CALN1: variants seen among roughly 807,000 people sequenced by gnomAD.
The protein encoded by CALN1 is calcium-binding protein 8.
In CALN1, 17 loss-of-function variants were observed where a neutral mutation model predicts 30.6. That is an observed-to-expected ratio of 0.56 (90% CI 0.38 to 0.83). CALN1 has a LOEUF of 0.83. CALN1 is among the 40% of genes least tolerant of loss of function. The probability of loss-of-function intolerance (pLI) is 0.00; values close to 1 mark genes in which losing one functional copy is unlikely to be tolerated. For synonymous variants in CALN1, 156 were observed against 131.4 expected (o/e 1.19, Z -1.28); for missense variants, 291 against 354.9 (o/e 0.82, Z 1.45).
intron 5 of CALN1, among the ~76,000 whole-genome samples, chr7:72,009,114 C>T (rs576049971): frequency 2.0e-5 from 3 of 151,726 alleles, no homozygotes; most frequent in Non-Finnish European, 4.4e-5. Context: ...AAAATGAGAA[C>T]AAAACAAAAA....
chr7:71,988,675 G>T (rs1439936427), intron 5 of CALN1, among the ~76,000 whole-genome samples: 1 of 152,128 alleles, frequency 6.6e-6, no homozygotes, highest in Non-Finnish European at 1.5e-5. Context: ...GCTAAAAGCA[G>T]GGCCCTAGCT....
At chr7:72,316,101 A>G (rs1000538697) in intron 2 of CALN1, among the ~76,000 whole-genome samples, 8 of 152,002 alleles carry the variant, frequency 5.3e-5, no homozygotes, top group African/African-American at 1.4e-4. Flanking sequence ...CAGTGAGCTG[A>G]GATTGCACCA....
rs116749212 is a variant in CALN1, at chr7:71,964,184, G to A, written c.501+59473C>T. On this transcript the variant is annotated intron_variant, in intron 5 of 6. Coordinates refer to ENST00000395275, the MANE Select transcript of CALN1 (RefSeq NM_031468.4). ...AAATGGGAGTGTTCCTTTATCCCCC[G>A]TCACAGGATGTGCGACAGGGTTGTG... Among the ~76,000 whole-genome samples, 698 of 152,234 alleles carry A rather than the reference G, an allele frequency of 4.6e-3. 5 individuals carry two copies. The highest frequency in any genetic ancestry group is 0.016 in the African/African-American group (646 of 41,536).
intron 5 of CALN1, among the ~76,000 whole-genome samples, chr7:71,990,466 A>G (rs1003764249): frequency 3.3e-5 from 5 of 151,412 alleles, no homozygotes; most frequent in Non-Finnish European, 7.4e-5. Context: ...TAATTCATTT[A>G]CTTTTTTTTT....
intron 1 of CALN1, among the ~76,000 whole-genome samples, chr7:72,427,164 T>C (rs1807823417): frequency 6.6e-6 from 1 of 152,106 alleles, no homozygotes; most frequent in Non-Finnish European, 1.5e-5. Context: ...AAAAAATTAT[T>C]TGTAGAGATG....
At chr7:71,846,993 T>C (rs929763024) in intron 5 of CALN1, among the ~76,000 whole-genome samples, 3 of 148,406 alleles carry the variant, frequency 2.0e-5, no homozygotes, top group Admixed American at 6.8e-5. Context: ...TACACACACA[T>C]ATATATATAT....
At chr7:72,369,264 ACG>A (rs1239912886) in intron 2 of CALN1, among the ~76,000 whole-genome samples, 2 of 149,726 alleles carry the variant, frequency 1.3e-5, no homozygotes, top group Admixed American at 1.3e-4. Flanking sequence ...CACGTACATT[ACG>A]CAAAGTGTTA....
chr7:72,006,942 T>C (rs1799802991), intron 5 of CALN1, among the ~76,000 whole-genome samples: 1 of 152,132 alleles, frequency 6.6e-6, no homozygotes, highest in African/African-American at 2.4e-5. Context: ...ATGATGTACT[T>C]TGCATACAGA....
At chr7:72,187,233 A>T (rs1030329810) in intron 3 of CALN1, among the ~76,000 whole-genome samples, 4 of 152,262 alleles carry the variant, frequency 2.6e-5, no homozygotes, top group African/African-American at 9.6e-5. Flanking sequence ...TGTCTGACAC[A>T]TTTTTCCAGG....
At chr7:72,408,440 G>A (rs1435178616) in intron 1 of CALN1, among the ~76,000 whole-genome samples, 1 of 151,762 alleles carries the variant, frequency 6.6e-6, no homozygotes, top group Non-Finnish European at 1.5e-5. Context: ...CTCGGTCTCA[G>A]AAAAAAATTA....
chr7:71,884,641 G>A (rs1792790516), intron 5 of CALN1, among the ~76,000 whole-genome samples: 2 of 151,908 alleles, frequency 1.3e-5, no homozygotes, highest in Non-Finnish European at 2.9e-5. Context: ...AAGGGGTCTG[G>A]GGATTCATGC....
rs188303325 is a variant in CALN1, at chr7:71,830,417, G to A, written c.502-19925C>T. 1.8e-4 allele frequency among the ~76,000 whole-genome samples: 27 copies of A among 151,922 alleles called. No individual in the cohort carries two copies. In the East Asian group the frequency reaches 4.7e-3, roughly 26 times the overall value. ...GGCTGGAGTGCGGTGGTGCGATCTCGGCTCACTGCAACCTCTGCCGCCCAG... is the reference window on the plus strand; with the variant it reads ...GGCTGGAGTGCGGTGGTGCGATCTCAGCTCACTGCAACCTCTGCCGCCCAG... On this transcript the variant is annotated intron_variant, in intron 5 of 6. Coordinates refer to ENST00000395275, the MANE Select transcript of CALN1 (RefSeq NM_031468.4).
intron 5 of CALN1, among the ~76,000 whole-genome samples, chr7:72,000,176 GC>G (rs1383522306): frequency 2.6e-5 from 4 of 151,974 alleles, no homozygotes; most frequent in Non-Finnish European, 4.4e-5. Context: ...CAAATAGTAA[GC>G]TAAGAGCAGA....
At chr7:72,002,185 G>A (rs189394713) in intron 5 of CALN1, among the ~76,000 whole-genome samples, 62 of 152,326 alleles carry the variant, frequency 4.1e-4, no homozygotes, top group African/African-American at 1.4e-3. Context: ...CTTGAGTTAT[G>A]ATGAGATTTG....
chr7:72,336,122 G>T (rs917368215), intron 2 of CALN1, among the ~76,000 whole-genome samples: 1 of 152,186 alleles, frequency 6.6e-6, no homozygotes, highest in Non-Finnish European at 1.5e-5. Flanking sequence ...CCCCGGACTC[G>T]GGGTGGGTGG....
At chr7:72,130,193 T>C (rs1809039963) in intron 3 of CALN1, among the ~76,000 whole-genome samples, 1 of 152,206 alleles carries the variant, frequency 6.6e-6, no homozygotes, top group African/African-American at 2.4e-5. Flanking sequence ...TTTTGAACTT[T>C]ACAGCCACCA....
Position 72,089,861 on chromosome 7 carries a change from T to A in CALN1, c.388+16290A>T, listed in dbSNP as rs1805734550. Among the ~76,000 whole-genome samples the A allele has an allele frequency of 2.0e-5, 3 of 152,294 alleles. No individual in the cohort carries two copies. In the South Asian group the frequency reaches 6.2e-4, roughly 32 times the overall value. ...TGGACAAAACAACCAAAAATAGGGC[T>A]ACAAGGCACATGGGTAATGTGAAGA... On this transcript the variant is annotated intron_variant, in intron 4 of 6. Coordinates refer to ENST00000395275, the MANE Select transcript of CALN1 (RefSeq NM_031468.4).
At chr7:72,293,440 A>G (rs1292645399) in intron 2 of CALN1, among the ~76,000 whole-genome samples, 1 of 152,192 alleles carries the variant, frequency 6.6e-6, no homozygotes, top group Non-Finnish European at 1.5e-5. Context: ...TCAAAAGCAG[A>G]TCGAGATGGG....
intron 5 of CALN1, among the ~76,000 whole-genome samples, chr7:71,834,390 C>T (rs921532787): frequency 1.6e-4 from 22 of 136,592 alleles, no homozygotes; most frequent in Admixed American, 1.6e-3. Flanking sequence ...AGACTTAAGT[C>T]AATTGAGCCC....
Sources: allele counts gnomAD v4.1 joint callset (sites outside exome capture counted in the v4.1 genomes callset), GRCh38; gene constraint gnomAD v4.1.1; transcripts MANE v1.5; gene names NCBI Gene and HGNC (gene_info 2026-07-23, HGNC 2026-07-21).